The following THSD7A variants were observed in gnomAD, a reference collection of about 807,000 sequenced individuals.
The protein encoded by THSD7A is thrombospondin type 1 domain containing 7A.
THSD7A carries 96 observed loss-of-function variants against 231.3 expected under a neutral mutation model. The ratio of observed to expected loss-of-function variants is 0.41; its 90% confidence interval spans 0.35 to 0.49. The LOEUF is 0.49. THSD7A is among the 20% of genes least tolerant of loss of function. The pLI is 0.05. For synonymous variants in THSD7A, 940 were observed against 743.3 expected (o/e 1.26, Z -4.30); for missense variants, 2,290 against 2,070.2 (o/e 1.11, Z -2.06).
chr7:11,654,685 A>G (rs1308314422), intron 1 of THSD7A, among the ~76,000 whole-genome samples: 1 of 151,904 alleles, frequency 6.6e-6, no homozygotes, highest in East Asian at 1.9e-4. Flanking sequence ...ATATATTAGT[A>G]TTGGTTTATG....
intron 6 of THSD7A, among the ~76,000 whole-genome samples, chr7:11,538,583 C>T (rs181810050): frequency 2.0e-5 from 3 of 152,202 alleles, no homozygotes; most frequent in Admixed American, 6.5e-5. Flanking sequence ...CCCCAGACCA[C>T]AGATCTTTGG....
intron 6 of THSD7A, among the ~76,000 whole-genome samples, chr7:11,529,187 G>C (rs568721612): frequency 4.6e-5 from 7 of 152,038 alleles, no homozygotes; most frequent in African/African-American, 1.7e-4. Context: ...CTATTCAAAA[G>C]ATATTAGCTC....
intron 1 of THSD7A, among the ~76,000 whole-genome samples, chr7:11,777,215 A>ACATTTGGTGC (rs1342555938): frequency 1.3e-5 from 2 of 152,134 alleles, no homozygotes. Context: ...GCATAAGGGG[A>ACATTTGGTGC]CATTTGGTGC....
At chr7:11,434,262 C>CAATT (rs1784563306) in intron 13 of THSD7A, among the ~76,000 whole-genome samples, 2 of 152,028 alleles carry the variant, frequency 1.3e-5, no homozygotes, top group Non-Finnish European at 2.9e-5. Flanking sequence ...AATGACTTCA[C>CAATT]AATTAGGATA....
At chr7:11,496,991 A>G (rs1467196565) in intron 6 of THSD7A, among the ~76,000 whole-genome samples, 4 of 152,302 alleles carry the variant, frequency 2.6e-5, no homozygotes, top group African/African-American at 4.8e-5. Flanking sequence ...TCACATTACT[A>G]TAAGGAGATA....
chr7:11,519,104 T>G (rs1222033527), intron 6 of THSD7A, among the ~76,000 whole-genome samples: 1 of 152,144 alleles, frequency 6.6e-6, no homozygotes, highest in Non-Finnish European at 1.5e-5. Context: ...TGTTTTTAAT[T>G]TTTTGGTTTA....
At chr7:11,764,394 A>T (rs1562537916) in intron 1 of THSD7A, among the ~76,000 whole-genome samples, 1 of 152,144 alleles carries the variant, frequency 6.6e-6, no homozygotes, top group African/African-American at 2.4e-5. Context: ...ATCCTGGCTA[A>T]CACGGTGAAA....
At chr7:11,600,232 T>C (rs1780502581) in intron 2 of THSD7A, among the ~76,000 whole-genome samples, 1 of 152,190 alleles carries the variant, frequency 6.6e-6, no homozygotes. Context: ...CTTTTTAATA[T>C]CACTTGAAAC....
At chr7:11,681,773 C>T (rs938354966) in intron 1 of THSD7A, among the ~76,000 whole-genome samples, 39 of 151,828 alleles carry the variant, frequency 2.6e-4, no homozygotes, top group African/African-American at 9.2e-4. Context: ...CTGTGAGATA[C>T]TAAGCAAGAC....
intron 1 of THSD7A, among the ~76,000 whole-genome samples, chr7:11,779,628 A>G (rs908319649): frequency 3.3e-5 from 5 of 152,170 alleles, no homozygotes; most frequent in African/African-American, 4.8e-5. Flanking sequence ...TTCAATGTTA[A>G]GTTTCCTTAT....
chr7:11,564,605 A>G (rs751360465), intron 4 of THSD7A, among the ~76,000 whole-genome samples: 33 of 152,196 alleles, frequency 2.2e-4, no homozygotes, highest in Non-Finnish European at 3.8e-4. Context: ...CTTAGCAGAC[A>G]GAAACTCCTC....
intron 1 of THSD7A, among the ~76,000 whole-genome samples, chr7:11,764,941 T>C (rs1190484254): frequency 6.6e-6 from 1 of 152,112 alleles, no homozygotes. Context: ...TAAGTAGAAA[T>C]GGTTTAAAAT....
chr7:11,818,472 G>A (rs1335321205), intron 1 of THSD7A, among the ~76,000 whole-genome samples: 2 of 152,224 alleles, frequency 1.3e-5, no homozygotes, highest in South Asian at 2.1e-4. Context: ...GTGTGTCAAC[G>A]GGAAGGTCAT....
intron 1 of THSD7A, among the ~76,000 whole-genome samples, chr7:11,801,164 T>C (rs1166227391): frequency 1.3e-5 from 2 of 152,006 alleles, no homozygotes; most frequent in Non-Finnish European, 2.9e-5. Context: ...GAAAACAAGA[T>C]GTATGTATTA....
intron 7 of THSD7A, among the ~76,000 whole-genome samples, chr7:11,476,318 T>TACACACACACACAC (rs59127235): frequency 3.6e-5 from 5 of 137,300 alleles, no homozygotes; most frequent in Non-Finnish European, 6.3e-5. Flanking sequence ...CTCTGGAAGA[T>TACACACACACACAC]ACACACACAC....
intron 1 of THSD7A, among the ~76,000 whole-genome samples, chr7:11,692,472 C>A (rs747642357): frequency 1.3e-5 from 2 of 151,086 alleles, no homozygotes; most frequent in Admixed American, 6.6e-5. Context: ...TCTTAACAAC[C>A]GAATTTTAAA....
intron 1 of THSD7A, among the ~76,000 whole-genome samples, chr7:11,797,772 T>G (rs1489338370): frequency 6.6e-6 from 1 of 152,262 alleles, no homozygotes; most frequent in South Asian, 2.1e-4. Flanking sequence ...CTCATTAGCA[T>G]GCTAAATTAA....
chr7:11,474,448 A>G lies in THSD7A; in HGVS notation c.2138T>C (p.Val713Ala). 6.2e-7 allele frequency: 1 copy of G among 1,613,640 alleles called. No homozygotes were observed. The highest frequency in any genetic ancestry group is 8.5e-7 in the Non-Finnish European group (1 of 1,179,618). Residue 713 changes from valine to alanine, a missense_variant, in exon 8 of 28, where the codon GTA becomes GCA. Coordinates refer to ENST00000423059, the MANE Select transcript of THSD7A (RefSeq NM_015204.3). This position sits in a 1 kb window ranked among gnomAD's most constrained non-coding sequence, Gnocchi z 4.1. ...PWGQCIEDTS[V>A]SSFNTTTTWN... ...AGTCGTAGTTGTGTTGAAGGACGAT[A>G]CTGAGGTGTCCTCAATGCACTGGCC...
chr7:11,593,629 G>T, intron 2 of THSD7A, 127 bp from the exon 3 acceptor site: 5 of 1,113,910 alleles, frequency 4.5e-6, no homozygotes, highest in Non-Finnish European at 6.4e-6. Context: ...CAGTTTCATC[G>T]AAAATACATC....
Sources: allele counts gnomAD v4.1 joint callset (sites outside exome capture counted in the v4.1 genomes callset), GRCh38; gene constraint gnomAD v4.1.1; non-coding constraint Gnocchi (gnomAD v3.1); transcripts MANE v1.5; gene names NCBI Gene and HGNC (gene_info 2026-07-23, HGNC 2026-07-21).